The following CRIM1 variants were observed in gnomAD, a reference collection of about 807,000 sequenced individuals.
CRIM1 encodes the protein cysteine-rich motor neuron 1 protein.
In CRIM1, 32 loss-of-function variants were observed where a neutral mutation model predicts 116.4. The observed-to-expected ratio is 0.27, with a 90% confidence interval of 0.21 to 0.37. CRIM1 has a LOEUF of 0.37. Ranked by LOEUF, CRIM1 falls within the 10% of genes least tolerant of loss-of-function variation. CRIM1 has a pLI of 1.00. For synonymous variants in CRIM1, 590 were observed against 509.2 expected (o/e 1.16, Z -2.13); for missense variants, 1,331 against 1,354.8 (o/e 0.98, Z 0.28).
chr2:36,359,038 CTCT>C (rs1249232325), intron 1 of CRIM1, among the ~76,000 whole-genome samples: 1 of 152,176 alleles, frequency 6.6e-6, no homozygotes, highest in East Asian at 1.9e-4. Context: ...TATTGATTAT[CTCT>C]TGTTTTTCTG....
In CRIM1 at chr2:36,441,610, C is replaced by A. The variant is rs894960131; in HGVS notation, c.748+110C>A. 1.2e-5 allele frequency: 17 copies of A among 1,378,454 alleles called. No individual in the cohort carries two copies. The African/African-American group carries it at 2.3e-4, about 18-fold the overall frequency. 85.4% of individuals were successfully genotyped at this position (1,378,454 alleles called of 1,614,324 possible). A position where few individuals can be genotyped will look rare whatever the true frequency, so the allele number is the denominator to read the frequency against. On this transcript the variant is annotated intron_variant, in intron 3 of 16. Coordinates refer to ENST00000280527, the MANE Select transcript of CRIM1 (RefSeq NM_016441.3). ...TTCACACGAAGATGGGCCTTCTCACCGGTGTCCTGTGAATCTGCCACTTTG... is the reference window on the plus strand; with the variant it reads ...TTCACACGAAGATGGGCCTTCTCACAGGTGTCCTGTGAATCTGCCACTTTG...
rs547670189 is a variant in CRIM1, at chr2:36,547,934, G to A, written c.2935-591G>A. 9.2e-5 allele frequency among the ~76,000 whole-genome samples: 14 copies of A among 152,286 alleles called. No homozygotes were observed. In the South Asian group the frequency reaches 2.1e-3, roughly 23 times the overall value. ...GAAACAGCCTGAACAATTATGTAAT[G>A]TAATTTACCATCTGGTTAACCCTTC... On this transcript the variant is annotated intron_variant, in intron 16 of 16. Coordinates refer to ENST00000280527, the MANE Select transcript of CRIM1 (RefSeq NM_016441.3).
At chr2:36,388,618 C>T (rs183929702) in intron 1 of CRIM1, among the ~76,000 whole-genome samples, 67 of 152,246 alleles carry the variant, frequency 4.4e-4, no homozygotes, top group African/African-American at 1.3e-3. Context: ...AGGTTGTGGT[C>T]TCCTGGGCCA....
At chr2:36,414,679 C>A (rs1673467312) in intron 2 of CRIM1, among the ~76,000 whole-genome samples, 1 of 152,202 alleles carries the variant, frequency 6.6e-6, no homozygotes, top group African/African-American at 2.4e-5. Context: ...CGTGGAAGAA[C>A]ATTCTAGACA....
chr2:36,451,496 T>A (rs1422087021), intron 4 of CRIM1, among the ~76,000 whole-genome samples: 8 of 152,144 alleles, frequency 5.3e-5, no homozygotes, highest in Admixed American at 4.6e-4. Context: ...ATCCCTCCCT[T>A]CCCTCCTGAA....
intron 2 of CRIM1, among the ~76,000 whole-genome samples, chr2:36,438,130 C>CA (rs200633505): frequency 0.25 from 24,762 of 99,936 alleles, 2,351 homozygotes; most frequent in East Asian, 0.53. Flanking sequence ...GACTCCATCT[C>CA]AAAAAAAAAA....
At chr2:36,458,958 C>T (rs947997373) in intron 4 of CRIM1, among the ~76,000 whole-genome samples, 3 of 152,144 alleles carry the variant, frequency 2.0e-5, no homozygotes, top group African/African-American at 4.8e-5. Context: ...CTTTTCTTCC[C>T]TCGTGGTATC....
chr2:36,471,324 T>C (rs1465851391), intron 5 of CRIM1, among the ~76,000 whole-genome samples: 1 of 152,138 alleles, frequency 6.6e-6, no homozygotes, highest in East Asian at 1.9e-4. Flanking sequence ...TAAAATGCTA[T>C]CAAACAGCAT....
At chr2:36,448,033 G>T (rs758834680) in intron 4 of CRIM1, among the ~76,000 whole-genome samples, 1 of 152,166 alleles carries the variant, frequency 6.6e-6, no homozygotes, top group South Asian at 2.1e-4. Flanking sequence ...CTGAGCCACC[G>T]CTTCAGCTTT....
chr2:36,475,050 C>A (rs75725237), intron 5 of CRIM1, among the ~76,000 whole-genome samples: 1,625 of 152,140 alleles, frequency 0.011, 32 homozygotes, highest in African/African-American at 0.038. Flanking sequence ...TAACTTTGTT[C>A]TCCCTTTTAA....
intron 4 of CRIM1, among the ~76,000 whole-genome samples, chr2:36,463,509 C>T (rs1016391147): frequency 6.6e-6 from 1 of 152,074 alleles, no homozygotes; most frequent in African/African-American, 2.4e-5. Flanking sequence ...CTCCTGTCAA[C>T]CTGGGAACTC....
chr2:36,434,171 A>G (rs1223517107), intron 2 of CRIM1, among the ~76,000 whole-genome samples: 2 of 152,244 alleles, frequency 1.3e-5, no homozygotes, highest in Non-Finnish European at 2.9e-5. Flanking sequence ...TACGTATTAC[A>G]TTTGTAATAA....
intron 1 of CRIM1, among the ~76,000 whole-genome samples, chr2:36,364,773 A>G (rs1669474926): frequency 6.6e-6 from 1 of 152,182 alleles, no homozygotes; most frequent in African/African-American, 2.4e-5. Context: ...TCTATTAAGT[A>G]AATATTGTAG....
intron 2 of CRIM1, among the ~76,000 whole-genome samples, chr2:36,436,721 T>C (rs1251421216): frequency 6.6e-6 from 1 of 152,140 alleles, no homozygotes; most frequent in Non-Finnish European, 1.5e-5. Context: ...TACACACACG[T>C]GCTAAAAACC....
intron 2 of CRIM1, among the ~76,000 whole-genome samples, chr2:36,419,439 T>C (rs1396395721): frequency 1.3e-5 from 2 of 152,208 alleles, no homozygotes; most frequent in Admixed American, 1.3e-4. Flanking sequence ...AGAGCACATT[T>C]TATTGCCGCT....
At chr2:36,432,880 T>G (rs1272184241) in intron 2 of CRIM1, among the ~76,000 whole-genome samples, 2 of 152,122 alleles carry the variant, frequency 1.3e-5, no homozygotes, top group African/African-American at 4.8e-5. Flanking sequence ...GCTTTTGGAT[T>G]TTTAATCTTC....
chr2:36,359,410 T>C (rs943571369), intron 1 of CRIM1, among the ~76,000 whole-genome samples: 4 of 152,198 alleles, frequency 2.6e-5, no homozygotes, highest in African/African-American at 9.7e-5. Context: ...TCATACTGGC[T>C]TTGTAGGGGA....
At position 36,474,766 on chromosome 2, in the gene CRIM1, T is replaced by C. The variant is rs186626039; in HGVS notation, c.992-2123T>C. On this transcript the variant is annotated intron_variant, in intron 5 of 16. Coordinates refer to ENST00000280527, the MANE Select transcript of CRIM1 (RefSeq NM_016441.3). ...GGGAGGCTGAGGCAGGAGAATCACTTGAACCCAGGAGGTAAAGGTTGCAGT... is the reference window on the plus strand; with the variant it reads ...GGGAGGCTGAGGCAGGAGAATCACTCGAACCCAGGAGGTAAAGGTTGCAGT... Among the ~76,000 whole-genome samples, 640 of 144,682 alleles carry C rather than the reference T, an allele frequency of 4.4e-3. 6 individuals carry two copies. The highest frequency in any genetic ancestry group is 0.015 in the African/African-American group (567 of 38,924). 94.9% of individuals were successfully genotyped at this position (144,682 alleles called of 152,430 possible).
chr2:36,373,500 G>T (rs1044257652), intron 1 of CRIM1, among the ~76,000 whole-genome samples: 1 of 152,168 alleles, frequency 6.6e-6, no homozygotes, highest in African/African-American at 2.4e-5. Flanking sequence ...CCTTTGACTG[G>T]CCTATCGTTC....
Sources: gnomAD v4.1 joint callset for allele counts (sites outside exome capture counted in the v4.1 genomes callset) on GRCh38, gnomAD v4.1.1 for gene constraint, MANE v1.5 for transcripts, NCBI Gene and HGNC (gene_info 2026-07-23, HGNC 2026-07-21) for gene names.